Variants in CDH13 observed in about 807,000 individuals in gnomAD.
The protein encoded by CDH13 is cadherin-13.
CDH13 carries 24 observed loss-of-function variants against 63.8 expected under a neutral mutation model. That is an observed-to-expected ratio of 0.38 (90% CI 0.27 to 0.53). CDH13 has a LOEUF of 0.53. Ranked by LOEUF, CDH13 falls within the 20% of genes least tolerant of loss-of-function variation. The probability of loss-of-function intolerance (pLI) is 0.85; values close to 1 mark genes in which losing one functional copy is unlikely to be tolerated. For synonymous variants in CDH13, 503 were observed against 355.3 expected, an observed-to-expected ratio of 1.42 and a Z score of -4.67; for missense variants, 1,049 against 903.1, an observed-to-expected ratio of 1.16 and a Z score of -2.07.
intron 5 of CDH13, among the ~76,000 whole-genome samples, chr16:83,232,112 A>C (rs185508124): frequency 2.7e-3 from 416 of 151,322 alleles, no homozygotes; most frequent in Non-Finnish European, 4.4e-3. Context: ...TAGGCTTAAT[A>C]CCTGATTGAT....
intron 3 of CDH13, among the ~76,000 whole-genome samples, chr16:83,102,357 A>G (rs1224635135): frequency 2.0e-5 from 3 of 152,346 alleles, no homozygotes; most frequent in East Asian, 1.9e-4. Flanking sequence ...TTCTGTGGCT[A>G]TCTGGCGGAA....
chr16:82,890,864 C>T (rs1054929196), intron 2 of CDH13, among the ~76,000 whole-genome samples: 5 of 151,976 alleles, frequency 3.3e-5, no homozygotes, highest in East Asian at 1.9e-4. Flanking sequence ...GTTGGCCAGG[C>T]TGGTCTTGAA....
chr16:83,105,349 C>T (rs994725724), intron 3 of CDH13, among the ~76,000 whole-genome samples: 2 of 152,240 alleles, frequency 1.3e-5, no homozygotes, highest in Non-Finnish European at 2.9e-5. Flanking sequence ...CCACCATCAT[C>T]TGCATCTCCC....
intron 1 of CDH13, among the ~76,000 whole-genome samples, chr16:82,812,239 C>T (rs1342963492): frequency 6.6e-6 from 1 of 152,126 alleles, no homozygotes; most frequent in Admixed American, 6.6e-5. Context: ...AGCTGCATGG[C>T]TATCTTGCTG....
intron 7 of CDH13, among the ~76,000 whole-genome samples, chr16:83,545,877 T>TATTCATTC (rs377509774): frequency 2.6e-5 from 4 of 152,156 alleles, no homozygotes; most frequent in South Asian, 2.1e-4. Context: ...TCTTTGAGCG[T>TATTCATTC]ATTCATTCAT....
At chr16:82,961,451 C>T (rs1219202603) in intron 2 of CDH13, among the ~76,000 whole-genome samples, 3 of 151,902 alleles carry the variant, frequency 2.0e-5, no homozygotes, top group African/African-American at 7.3e-5. Flanking sequence ...AAAATGAAGG[C>T]CCCAGATGAT....
At chr16:83,220,879 T>C (rs950038543) in intron 5 of CDH13, among the ~76,000 whole-genome samples, 3 of 152,220 alleles carry the variant, frequency 2.0e-5, no homozygotes, top group Non-Finnish European at 4.4e-5. Flanking sequence ...CTTGGGCCCC[T>C]GAAAGTGCAT....
At chr16:83,415,227 C>A (rs755808830) in intron 6 of CDH13, among the ~76,000 whole-genome samples, 2 of 151,860 alleles carry the variant, frequency 1.3e-5, no homozygotes, top group African/African-American at 4.8e-5. Flanking sequence ...AAGATTAAAT[C>A]GTGAAGAAAT....
chr16:83,235,339 G>C (rs979431896), intron 5 of CDH13, among the ~76,000 whole-genome samples: 43 of 152,128 alleles, frequency 2.8e-4, no homozygotes, highest in African/African-American at 1.0e-3. Context: ...AGAAGCCCCG[G>C]TGTAAAATGA....
Position 83,263,441 on chromosome 16 carries a change from G to C in CDH13, c.636+45944G>C, listed in dbSNP as rs551826555. Among the ~76,000 whole-genome samples the C allele has an allele frequency of 1.2e-4, 18 of 152,192 alleles. No homozygotes were observed. The South Asian group carries it at 3.5e-3, about 30-fold the overall frequency. On this transcript the variant is annotated intron_variant, in intron 5 of 13. Transcript: ENST00000567109. ...ATTTCCTCCTGGTTCTTCCTCTTGA[G>C]ATATGCAGAGATCTACCAACCACAT...
intron 2 of CDH13, among the ~76,000 whole-genome samples, chr16:82,926,566 T>C (rs530283766): frequency 1.3e-5 from 2 of 152,358 alleles, no homozygotes; most frequent in South Asian, 4.1e-4. Context: ...CATTTTAGGC[T>C]TGACTTTCTC....
chr16:83,761,751 T>A (rs1913987392), intron 11 of CDH13, among the ~76,000 whole-genome samples: 1 of 152,158 alleles, frequency 6.6e-6, no homozygotes, highest in Non-Finnish European at 1.5e-5. Flanking sequence ...CTAACTTGAT[T>A]TTACAAACTG....
chr16:82,874,894 G>A (rs1196720584), intron 2 of CDH13, among the ~76,000 whole-genome samples: 1 of 152,188 alleles, frequency 6.6e-6, no homozygotes, highest in Non-Finnish European at 1.5e-5. Context: ...TGAACTTAGA[G>A]GGCAGTTGGG....
chr16:82,733,721 A>G (rs1379841770), intron 1 of CDH13, among the ~76,000 whole-genome samples: 1 of 152,240 alleles, frequency 6.6e-6, no homozygotes, highest in Non-Finnish European at 1.5e-5. Context: ...TATGCTTTTA[A>G]GCACCAAACT....
intron 1 of CDH13, among the ~76,000 whole-genome samples, chr16:82,853,123 T>C (rs1306196875): frequency 6.6e-6 from 1 of 152,188 alleles, no homozygotes; most frequent in Non-Finnish European, 1.5e-5. Flanking sequence ...GGAAGAGAGA[T>C]CTCTGAGCTG....
chr16:83,442,311 T>G (rs1372951893), intron 6 of CDH13, among the ~76,000 whole-genome samples: 1 of 152,208 alleles, frequency 6.6e-6, no homozygotes, highest in Non-Finnish European at 1.5e-5. Context: ...GGATTCTATG[T>G]GAATCTAGAT....
intron 5 of CDH13, among the ~76,000 whole-genome samples, chr16:83,309,447 C>T (rs560463138): frequency 2.6e-5 from 4 of 152,226 alleles, no homozygotes; most frequent in African/African-American, 9.6e-5. Flanking sequence ...ATGATCTCGG[C>T]TCACTGCAAC....
chr16:83,370,628 C>A (rs767019404), intron 6 of CDH13, among the ~76,000 whole-genome samples: 1 of 152,112 alleles, frequency 6.6e-6, no homozygotes, highest in Non-Finnish European at 1.5e-5. Flanking sequence ...CACCCTCCAC[C>A]CTTAAGTAGG....
intron 11 of CDH13, among the ~76,000 whole-genome samples, chr16:83,765,819 A>C (rs1378669001): frequency 6.6e-6 from 1 of 151,806 alleles, no homozygotes; most frequent in Non-Finnish European, 1.5e-5. Flanking sequence ...CAGGAGGTAC[A>C]CGTGCAGGTT....
Sources: allele counts gnomAD v4.1 joint callset (sites outside exome capture counted in the v4.1 genomes callset), GRCh38; gene constraint gnomAD v4.1.1; transcripts MANE v1.5; gene names NCBI Gene and HGNC (gene_info 2026-07-23, HGNC 2026-07-21).